AFG2A: variants seen among roughly 807,000 people sequenced by gnomAD.
The protein encoded by AFG2A is AAA ATPase AFG2A.
At chr4:123,229,088 C>T in the AFG2A span, among the ~76,000 whole-genome samples, 2 of 151,656 alleles carry the variant, frequency 1.3e-5, no homozygotes, top group Non-Finnish European at 2.9e-5. Context: ...TTAAAAAAAA[C>T]CAGCACAATT....
the AFG2A span, among the ~76,000 whole-genome samples, chr4:123,140,145 C>G: frequency 6.6e-6 from 1 of 152,012 alleles, no homozygotes; most frequent in Non-Finnish European, 1.5e-5. Flanking sequence ...GTAAAGTAAA[C>G]AAACCTGTTT....
chr4:123,179,140 A>G, the AFG2A span, among the ~76,000 whole-genome samples: 1 of 152,282 alleles, frequency 6.6e-6, no homozygotes, highest in Admixed American at 6.5e-5. Flanking sequence ...CTTTTGAAGA[A>G]CTATTTTCAA....
the AFG2A span, among the ~76,000 whole-genome samples, chr4:123,174,893 C>T: frequency 3.1e-4 from 47 of 151,988 alleles, no homozygotes; most frequent in African/African-American, 1.0e-3. Context: ...TGCAGTGGCA[C>T]GATCACGGCT....
At chr4:122,972,886 A>G in the AFG2A span, among the ~76,000 whole-genome samples, 1 of 151,998 alleles carries the variant, frequency 6.6e-6, no homozygotes, top group African/African-American at 2.4e-5. Flanking sequence ...AAACAGAGTT[A>G]TTTTATTATT....
At chr4:123,004,227 C>T in the AFG2A span, among the ~76,000 whole-genome samples, 1 of 152,172 alleles carries the variant, frequency 6.6e-6, no homozygotes, top group Non-Finnish European at 1.5e-5. Flanking sequence ...TTTCCTTGAC[C>T]AGGAAAGGGA....
At chr4:123,156,519 T>G in the AFG2A span, among the ~76,000 whole-genome samples, 1 of 152,060 alleles carries the variant, frequency 6.6e-6, no homozygotes, top group Non-Finnish European at 1.5e-5. Flanking sequence ...AAATAAAAAC[T>G]TAGAAAATAA....
At chr4:122,962,464 T>C in the AFG2A span, among the ~76,000 whole-genome samples, 1 of 152,222 alleles carries the variant, frequency 6.6e-6, no homozygotes, top group African/African-American at 2.4e-5. Context: ...GGAATTATTT[T>C]TATCAGTGAA....
At chr4:123,298,250 G>A in the AFG2A span, among the ~76,000 whole-genome samples, 3 of 152,156 alleles carry the variant, frequency 2.0e-5, no homozygotes, top group East Asian at 1.9e-4. Context: ...GAAAATGAGG[G>A]CTTTCTGGTG....
chr4:123,244,184 C>T, the AFG2A span, among the ~76,000 whole-genome samples: 5 of 151,736 alleles, frequency 3.3e-5, no homozygotes, highest in East Asian at 1.9e-4. Context: ...GCAGGACTGA[C>T]GGAACTCAGA....
the AFG2A span, chr4:122,947,084 AATTG>A: frequency 3.4e-6 from 2 of 589,172 alleles, no homozygotes; most frequent in Non-Finnish European, 5.2e-6. Context: ...TAATAAAAGT[AATTG>A]ATAGGTAATG....
the AFG2A span, among the ~76,000 whole-genome samples, chr4:122,973,579 T>C: frequency 6.6e-6 from 1 of 152,218 alleles, no homozygotes; most frequent in Non-Finnish European, 1.5e-5. Context: ...CCTATGTTTG[T>C]CTCCTTGGCT....
chr4:123,087,778 T>C, the AFG2A span, among the ~76,000 whole-genome samples: 1 of 152,192 alleles, frequency 6.6e-6, no homozygotes, highest in African/African-American at 2.4e-5. Context: ...CTGGGCTGTC[T>C]GTCTCTCCAA....
the AFG2A span, among the ~76,000 whole-genome samples, chr4:122,979,889 C>A: frequency 1.9e-4 from 29 of 152,208 alleles, no homozygotes; most frequent in African/African-American, 6.5e-4. Context: ...CAGAGCGAGA[C>A]CCTGTCTCAA....
the AFG2A span, among the ~76,000 whole-genome samples, chr4:122,996,629 G>GGA: frequency 1.5e-5 from 2 of 129,740 alleles, no homozygotes; most frequent in African/African-American, 2.9e-5. Flanking sequence ...AGATAGGAGA[G>GGA]GAGATTTATT....
chr4:123,279,214 G>A, the AFG2A span, among the ~76,000 whole-genome samples: 3 of 152,196 alleles, frequency 2.0e-5, no homozygotes, highest in East Asian at 1.9e-4. Flanking sequence ...TCAGGAATTC[G>A]AGACCAGCCT....
At chr4:122,934,540 A>T in the AFG2A span, 1 of 1,614,186 alleles carries the variant, frequency 6.2e-7, no homozygotes, top group African/African-American at 1.3e-5. Context: ...CATAGGAGCA[A>T]AGTGCAATAC....
the AFG2A span, among the ~76,000 whole-genome samples, chr4:123,213,706 G>A: frequency 3.4e-4 from 52 of 152,270 alleles, no homozygotes; most frequent in East Asian, 9.6e-4. Flanking sequence ...CTCTTGTAGA[G>A]GCATTTGCTC....
chr4:123,163,571 A>G, the AFG2A span, among the ~76,000 whole-genome samples: 1 of 152,134 alleles, frequency 6.6e-6, no homozygotes, highest in Non-Finnish European at 1.5e-5. Context: ...TGTTAATTTC[A>G]TTTTATTTCC....
chr4:122,935,705 T>G, the AFG2A span: 2 of 1,561,682 alleles, frequency 1.3e-6, no homozygotes, highest in African/African-American at 2.7e-5. Flanking sequence ...TTTCTACTTT[T>G]TCTTCCAGGA....
Sources: allele counts gnomAD v4.1 joint callset (sites outside exome capture counted in the v4.1 genomes callset), GRCh38; gene constraint gnomAD v4.1.1; transcripts MANE v1.5; gene names NCBI Gene and HGNC (gene_info 2026-07-23, HGNC 2026-07-21).